The following RFC3 variants were observed in gnomAD, a reference collection of about 807,000 sequenced individuals.
The protein encoded by RFC3 is A1 38 kDa subunit.
RFC3 carries 41 observed loss-of-function variants against 45.1 expected under a neutral mutation model. The ratio of observed to expected loss-of-function variants is 0.91; its 90% CI spans 0.71 to 1.18. RFC3 has a LOEUF of 1.18. Ranked by LOEUF, RFC3 falls within the 50% of genes most tolerant of loss-of-function variation. The pLI, the probability that RFC3 is intolerant of heterozygous loss-of-function variation, is 0.00. For synonymous variants in RFC3, 149 were observed against 144.0 expected (o/e 1.03, Z -0.25); for missense variants, 423 against 428.1 (o/e 0.99, Z 0.10).
At chr13:33,936,865 A>G (rs1398732156) in intron 8 of RFC3, among the ~76,000 whole-genome samples, 1 of 152,190 alleles carries the variant, frequency 6.6e-6, no homozygotes, top group Non-Finnish European at 1.5e-5. Flanking sequence ...TGGTTAACAG[A>G]AAATATTAGT....
At chr13:33,833,238 T>C (rs2082120468) in intron 7 of RFC3, among the ~76,000 whole-genome samples, 1 of 152,340 alleles carries the variant, frequency 6.6e-6, no homozygotes, top group East Asian at 1.9e-4. Context: ...TTTCATTTGA[T>C]CTGTCTTAGA....
Position 33,836,792 on chromosome 13 carries a change from A to T in RFC3, c.*497A>T. 1 of 985,818 alleles carries T rather than the reference A, an allele frequency of 1.0e-6. No individual in the cohort carries two copies. Among genetic ancestry groups the T allele is most frequent in the South Asian group, 4.7e-5 (1 of 21,326 alleles). The allele number at this position is 985,818 out of a possible 1,614,324, so 61.1% of individuals were successfully genotyped here. On this transcript the variant is annotated 3_prime_UTR_variant, in exon 9 of 9. Transcript: ENST00000380071. ...AAACATAATTATTGGTATGGACAAA[A>T]TTGCAGATACCATTTCTGTTGAGGC... is the stretch of plus-strand genomic sequence containing the variant.
intron 7 of RFC3, among the ~76,000 whole-genome samples, chr13:33,831,680 A>T (rs544930440): frequency 1.3e-5 from 2 of 151,516 alleles, no homozygotes; most frequent in Admixed American, 6.6e-5. Flanking sequence ...TAATGTGCGT[A>T]GCTTTCTAGT....
chr13:33,936,707 T>C (rs1344267962), intron 8 of RFC3, among the ~76,000 whole-genome samples: 1 of 152,006 alleles, frequency 6.6e-6, no homozygotes, highest in Non-Finnish European at 1.5e-5. Flanking sequence ...TCAAAGTCCT[T>C]AAAAGGAAGC....
intron 8 of RFC3, among the ~76,000 whole-genome samples, chr13:33,886,091 T>C (rs2082520310): frequency 6.6e-6 from 1 of 152,102 alleles, no homozygotes; most frequent in Non-Finnish European, 1.5e-5. Flanking sequence ...TGTAATTGCA[T>C]GTGGTAAACC....
intron 8 of RFC3, among the ~76,000 whole-genome samples, chr13:33,886,257 T>G (rs543612207): frequency 6.6e-6 from 1 of 151,974 alleles, no homozygotes; most frequent in Non-Finnish European, 1.5e-5. Context: ...TTTAAGAAAA[T>G]GAAACCGGAC....
At chr13:33,853,480 A>G (rs1294590485) in intron 8 of RFC3, among the ~76,000 whole-genome samples, 1 of 152,158 alleles carries the variant, frequency 6.6e-6, no homozygotes, top group Admixed American at 6.6e-5. Context: ...CAATTATCCC[A>G]TTTGCTCAAG....
chr13:33,973,682 A>C, the RFC3 span, among the ~76,000 whole-genome samples: 5 of 131,092 alleles, frequency 3.8e-5, no homozygotes, highest in Non-Finnish European at 7.9e-5. Context: ...ACAGAGTCTC[A>C]CTCTGTTGCC....
At chr13:33,889,392 A>G (rs1333100068) in intron 8 of RFC3, among the ~76,000 whole-genome samples, 1 of 152,142 alleles carries the variant, frequency 6.6e-6, no homozygotes, top group African/African-American at 2.4e-5. Context: ...GTAAACAAAT[A>G]CCCTTTTTAA....
intron 8 of RFC3, among the ~76,000 whole-genome samples, chr13:33,871,709 A>G (rs1034830985): frequency 2.0e-5 from 3 of 152,160 alleles, no homozygotes; most frequent in Non-Finnish European, 4.4e-5. Flanking sequence ...GAAAACAAAC[A>G]ATATAGAAGG....
intron 8 of RFC3, among the ~76,000 whole-genome samples, chr13:33,913,265 G>A (rs951820781): frequency 2.0e-5 from 3 of 152,084 alleles, no homozygotes; most frequent in African/African-American, 7.2e-5. Context: ...AGTCCCAACA[G>A]GCTCTAATTG....
At chr13:33,853,695 T>C (rs2082291381) in intron 8 of RFC3, among the ~76,000 whole-genome samples, 1 of 152,166 alleles carries the variant, frequency 6.6e-6, no homozygotes, top group Non-Finnish European at 1.5e-5. Context: ...AAATTCTAAC[T>C]GCTTTTAAAG....
downstream of RFC3, among the ~76,000 whole-genome samples, chr13:33,842,277 G>T (rs2082205005): frequency 6.6e-6 from 1 of 151,104 alleles, no homozygotes; most frequent in South Asian, 2.1e-4. Flanking sequence ...CACAGAGCAA[G>T]AGCCTGTCTC....
chr13:33,942,772 G>A (rs767720805), intron 8 of RFC3, among the ~76,000 whole-genome samples: 6 of 151,498 alleles, frequency 4.0e-5, no homozygotes, highest in African/African-American at 1.5e-4. Flanking sequence ...TTTTTATCAC[G>A]TTAGCTGTAT....
At chr13:33,925,607 TATA>T (rs2082805758) in intron 8 of RFC3, among the ~76,000 whole-genome samples, 1 of 150,504 alleles carries the variant, frequency 6.6e-6, no homozygotes, top group African/African-American at 2.4e-5. Context: ...TACATACATA[TATA>T]GTGTACTATA....
chr13:33,937,310 G>C (rs2082893296), intron 8 of RFC3, among the ~76,000 whole-genome samples: 1 of 152,144 alleles, frequency 6.6e-6, no homozygotes, highest in Non-Finnish European at 1.5e-5. Context: ...TGTGTAGTAA[G>C]CTATACCATC....
chr13:33,943,619 G>T (rs559284635), intron 8 of RFC3, among the ~76,000 whole-genome samples: 1 of 152,036 alleles, frequency 6.6e-6, no homozygotes, highest in East Asian at 1.9e-4. Context: ...CAATTAATAC[G>T]TATCAGTCAA....
chr13:33,871,215 T>C (rs531478151), intron 8 of RFC3, among the ~76,000 whole-genome samples: 1 of 152,298 alleles, frequency 6.6e-6, no homozygotes, highest in African/African-American at 2.4e-5. Flanking sequence ...CCATAACAAA[T>C]AACCATAAAT....
intron 8 of RFC3, among the ~76,000 whole-genome samples, chr13:33,906,572 C>A (rs1354158350): frequency 1.3e-5 from 2 of 152,016 alleles, no homozygotes; most frequent in African/African-American, 4.8e-5. Flanking sequence ...CTTTTATTTT[C>A]ATTTGCATAT....
Sources: allele counts gnomAD v4.1 joint callset (sites outside exome capture counted in the v4.1 genomes callset), GRCh38; gene constraint gnomAD v4.1.1; transcripts MANE v1.5; gene names NCBI Gene and HGNC (gene_info 2026-07-23, HGNC 2026-07-21).